Variants in RNF166 observed in about 807,000 individuals in gnomAD.
The protein encoded by RNF166 is E3 ubiquitin-protein ligase RNF166.
In RNF166, 19 loss-of-function variants were observed where a neutral mutation model predicts 29.4. The ratio of observed to expected loss-of-function variants is 0.65; its 90% CI spans 0.45 to 0.95. The LOEUF is 0.95. Among genes scored for constraint, RNF166 ranks in the 40% least tolerant of loss-of-function variants. The probability of loss-of-function intolerance (pLI) is 0.00; values close to 1 mark genes in which losing one functional copy is unlikely to be tolerated. For missense variants in RNF166, 347 were observed against 322.1 expected, an observed-to-expected ratio of 1.08 and a Z score of -0.59; for synonymous variants, 171 against 134.5, an observed-to-expected ratio of 1.27 and a Z score of -1.88.
chr16:88,706,201 C>A lies in RNF166; in HGVS notation c.125G>T (p.Arg42Leu). 1 of 1,305,898 alleles carries A rather than the reference C, an allele frequency of 7.7e-7. No individual in the cohort carries two copies. The highest frequency in any genetic ancestry group is 9.8e-7 in the Non-Finnish European group (1 of 1,022,226). The allele number at this position is 1,305,898 out of a possible 1,614,324, so 80.9% of individuals were successfully genotyped here. A position where few individuals can be genotyped will look rare whatever the true frequency, so the allele number is the denominator to read the frequency against. The change falls in exon 1 of 6, where the codon CGG becomes CTG. Residue 42 changes from arginine (R) to leucine (L), a missense_variant. Physicochemically the swap from Arg to Leu is moderately radical, Grantham distance 102 (BLOSUM62 -2). Coordinates refer to ENST00000312838, the MANE Select transcript of RNF166 (RefSeq NM_178841.4). ...TCPICLEVYH[R>L]PVAIGSCGHT... ...GCCGCAGCTGCCGATGGCCACGGGCCGGTGATAGACCTCCAGGCAGATGGG... is the reference window on the plus strand; with the variant it reads ...GCCGCAGCTGCCGATGGCCACGGGCAGGTGATAGACCTCCAGGCAGATGGG...
intron 5 of RNF166, 76 bp downstream of exon 5, chr16:88,698,426 G>T: frequency 1.7e-6 from 2 of 1,178,848 alleles, no homozygotes; most frequent in Non-Finnish European, 2.5e-6. Flanking sequence ...CGGACCCTGA[G>T]GCTGGCGAGG....
In RNF166 at chr16:88,704,460, A is replaced by G. The variant is rs59925960; in HGVS notation, c.155+1711T>C. ...GCTCCACAATTCCATGTGGTTCTGC[A>G]TTCTGTGTTATGGAAACTACATTTT... On this transcript the variant is annotated intron_variant, in intron 1 of 5. Transcript: ENST00000312838. 0.011 allele frequency: 10,781 copies of G among 985,382 alleles called. 737 individuals are homozygous for G. The African/African-American group carries it at 0.16, about 14-fold the overall frequency. 61.0% of individuals were successfully genotyped at this position (985,382 alleles called of 1,614,324 possible).
At chr16:88,698,367 T>C (rs1791369988) in intron 5 of RNF166, 135 bp downstream of exon 5, 2 of 769,200 alleles carry the variant, frequency 2.6e-6, no homozygotes, top group South Asian at 1.5e-5. Flanking sequence ...CCTGGGGGAA[T>C]GTGGCCACCT....
intron 1 of RNF166, chr16:88,703,944 G>A (rs987577840): frequency 1.1e-4 from 113 of 985,360 alleles, no homozygotes; most frequent in East Asian, 3.4e-4. Flanking sequence ...AGGCAGGTTC[G>A]TGATCACGCG....
At chr16:88,704,947 G>A (rs1045879958) in intron 1 of RNF166, among the ~76,000 whole-genome samples, 1 of 152,178 alleles carries the variant, frequency 6.6e-6, no homozygotes, top group Non-Finnish European at 1.5e-5. Flanking sequence ...CCGAGATGGC[G>A]CCACTGCACT....
In RNF166 at chr16:88,698,673, C is replaced by T. The variant is rs781721586; in HGVS notation, c.541-64G>A. On this transcript the variant is annotated intron_variant, in intron 4 of 5. Coordinates refer to ENST00000312838, the MANE Select transcript of RNF166 (RefSeq NM_178841.4). ...GAGAGGCGGGGTAGCCGCAGTAGGA[C>T]TGGGGGCCCTCCACTGAGCCCCGTC... 23 of 1,265,662 alleles carry T rather than the reference C, an allele frequency of 1.8e-5. 1 individual carries two copies. The African/African-American group carries it at 2.6e-4, about 14-fold the overall frequency. The allele number at this position is 1,265,662 out of a possible 1,614,324, so 78.4% of individuals were successfully genotyped here.
Position 88,697,463 on chromosome 16 carries a change from C to T in RNF166, c.*105G>A. 1.2e-6 allele frequency: 1 copy of T among 832,318 alleles called. No individual in the cohort carries two copies. Among genetic ancestry groups the T allele is most frequent in the Admixed American group, 2.3e-5 (1 of 44,024 alleles). 51.6% of individuals were successfully genotyped at this position (832,318 alleles called of 1,614,324 possible). A position where few individuals can be genotyped will look rare whatever the true frequency, so the allele number is the denominator to read the frequency against. On this transcript the variant is annotated 3_prime_UTR_variant, in exon 6 of 6. Coordinates refer to ENST00000312838, the MANE Select transcript of RNF166 (RefSeq NM_178841.4). ...CCTTCTGCGCGGGTGCAGGCTCCTC[C>T]TGTGAGCTCAGTCCGGTGAGGTGCG...
At chr16:88,699,582 G>A (rs374960167) in intron 3 of RNF166, 38 bp downstream of exon 3, 18 of 1,524,214 alleles carry the variant, frequency 1.2e-5, no homozygotes, top group East Asian at 9.2e-5. Flanking sequence ...GGAAACCGCC[G>A]AGGACAGTTC....
At position 88,698,524 on chromosome 16, in the gene RNF166, T is replaced by G; in HGVS notation, c.626A>C (p.Lys209Thr). 6.4e-7 allele frequency: 1 copy of G among 1,572,656 alleles called. No homozygotes were observed. Among genetic ancestry groups the G allele is most frequent in the Non-Finnish European group, 8.6e-7 (1 of 1,158,678 alleles). Reference sequence around the variant, plus strand: ...TACCACAAAGGTGTCGTAGGAGAACTTGTGTCGGTGAAGCAGGTGCTGCAG... The same window carrying G: ...TACCACAAAGGTGTCGTAGGAGAACGTGTGTCGGTGAAGCAGGTGCTGCAG... ...NFLQHLLHRH[K>T]FSYDTFVDYS... Residue 209 changes from lysine to threonine, a missense_variant, in exon 5 of 6, where the codon AAG (lysine) becomes ACG (threonine). Coordinates refer to ENST00000312838, the MANE Select transcript of RNF166 (RefSeq NM_178841.4).
chr16:88,698,468 G>T, intron 5 of RNF166, 34 bp downstream of exon 5: 1 of 1,487,560 alleles, frequency 6.7e-7, no homozygotes, highest in Non-Finnish European at 9.2e-7. Context: ...GATGAGGAGG[G>T]CGTGGGGGAG....
At chr16:88,704,011 T>C (rs531077431) in intron 1 of RNF166, 1 of 985,456 alleles carries the variant, frequency 1.0e-6, no homozygotes, top group South Asian at 4.7e-5. Context: ...GACTGTCCCC[T>C]GGCTGAGAAC....
At chr16:88,698,932 C>A (rs779935611) in intron 4 of RNF166, 39 bp downstream of exon 4, 1 of 1,455,082 alleles carries the variant, frequency 6.9e-7, no homozygotes, top group Non-Finnish European at 9.4e-7. Flanking sequence ...CCACAGGCCT[C>A]CCCTGGCGCA....
At chr16:88,703,180 G>C in intron 1 of RNF166, 2 of 982,328 alleles carry the variant, frequency 2.0e-6, no homozygotes, top group Non-Finnish European at 2.4e-6. Flanking sequence ...AAAGCAGACG[G>C]GTGGGTGCCA....
chr16:88,702,992 A>AGAGAC, intron 1 of RNF166: 1 of 985,372 alleles, frequency 1.0e-6, no homozygotes, highest in Non-Finnish European at 1.2e-6. Flanking sequence ...TAAACGGATG[A>AGAGAC]AGAGACGGCG....
Position 88,706,173 on chromosome 16 carries a change from G to A in RNF166, c.153C>T (p.His51=), listed in dbSNP as rs1395402866. Residue 51 remains histidine (H), a splice_region_variant and synonymous_variant, in exon 1 of 6, where the codon CAC becomes CAT. Coordinates refer to ENST00000312838, the MANE Select transcript of RNF166 (RefSeq NM_178841.4). ...HRPVAIGSCG[H]TFCGECLQPC... is the part of the protein sequence containing the mutation. ...GGCCCCTGGGCGGGCGCGCTCACGT[G>A]TGGCCGCAGCTGCCGATGGCCACGG... 4.0e-6 allele frequency: 5 copies of A among 1,255,388 alleles called. No homozygotes were observed. The highest frequency in any genetic ancestry group is 4.0e-6 in the Non-Finnish European group (4 of 995,744). 77.8% of individuals were successfully genotyped at this position (1,255,388 alleles called of 1,614,324 possible).
At chr16:88,698,225 G>A (rs1344539707) in intron 5 of RNF166, 23 of 632,556 alleles carry the variant, frequency 3.6e-5, no homozygotes, top group South Asian at 3.5e-5. Context: ...GCTCACCCTC[G>A]AGGGGTTCTG....
intron 1 of RNF166, among the ~76,000 whole-genome samples, chr16:88,704,666 A>G (rs1258740144): frequency 6.7e-6 from 1 of 149,586 alleles, no homozygotes; most frequent in East Asian, 1.9e-4. Context: ...GGTGCGGAAC[A>G]CACCTTCAAA....
intron 5 of RNF166, chr16:88,698,006 G>A (rs1176294306): frequency 8.2e-6 from 4 of 488,338 alleles, no homozygotes; most frequent in Non-Finnish European, 1.5e-5. Flanking sequence ...GACAGCCATC[G>A]CCAGGACTGT....
chr16:88,703,342 G>A (rs1597411968), intron 1 of RNF166: 3 of 985,506 alleles, frequency 3.0e-6, no homozygotes, highest in Non-Finnish European at 3.6e-6. Flanking sequence ...CCGGGGCTCG[G>A]CTGCACAGCA....
Sources: gnomAD v4.1 joint callset for allele counts (sites outside exome capture counted in the v4.1 genomes callset) on GRCh38, gnomAD v4.1.1 for gene constraint, MANE v1.5 for transcripts, NCBI Gene and HGNC (gene_info 2026-07-23, HGNC 2026-07-21) for gene names.